The following B3GNT2 variants were observed in gnomAD, a reference collection of about 807,000 sequenced individuals.
B3GNT2 encodes the protein N-acetyllactosaminide beta-1,3-N-acetylglucosaminyltransferase 2.
In B3GNT2, 12 loss-of-function variants were observed where a neutral mutation model predicts 27.6. That is an observed-to-expected ratio of 0.44 (90% CI 0.28 to 0.71). The LOEUF (loss-of-function observed/expected upper bound fraction) is 0.71, where lower values mean the gene tolerates loss of function less well. B3GNT2 is among the 30% of genes least tolerant of loss of function. The pLI is 0.17. For synonymous variants in B3GNT2, 192 were observed against 189.7 expected (o/e 1.01, Z -0.10); for missense variants, 413 against 488.5 (o/e 0.85, Z 1.46).
Position 62,223,367 on chromosome 2 carries a change from A to G in B3GNT2, c.1147A>G (p.Met383Val). 1 of 1,613,480 alleles carries G rather than the reference A, an allele frequency of 6.2e-7. No homozygotes were observed. The highest frequency in any genetic ancestry group is 1.1e-5 in the South Asian group (1 of 90,988). The change falls in exon 2 of 2, where the codon ATG (methionine) becomes GTG (valine). Residue 383 changes from methionine (M) to valine (V), a missense_variant. By Grantham distance (21) the Met-to-Val change is conservative. Coordinates refer to ENST00000301998, the MANE Select transcript of B3GNT2 (RefSeq NM_006577.6). ...AGTACATAGTAGAAAACCTCAAGAG[A>G]TGATTGATATTTGGTCTCAGTTGCA... is the stretch of plus-strand genomic sequence containing the variant. Reference protein sequence around the residue: ...MLVHSRKPQEMIDIWSQLQSA... With the variant: ...MLVHSRKPQEVIDIWSQLQSA...
At position 62,210,527 on chromosome 2, in the gene B3GNT2, G is replaced by T. The variant is rs796674833; in HGVS notation, c.-9-11685G>T. On this transcript the variant is annotated intron_variant, in intron 1 of 1. Transcript: ENST00000301998. ...CTCAGACCTGTAATCCCAGCACTTT[G>T]GGAGGCTGAAGTGGGCAGATCACTT... Among the ~76,000 whole-genome samples, 112 of 152,242 alleles carry T rather than the reference G, an allele frequency of 7.4e-4. 1 individual carries two copies. Among genetic ancestry groups the T allele is most frequent in the African/African-American group, 2.4e-3 (99 of 41,524 alleles).
At chr2:62,203,706 C>G (rs748950655) in intron 1 of B3GNT2, among the ~76,000 whole-genome samples, 1 of 152,070 alleles carries the variant, frequency 6.6e-6, no homozygotes, top group Non-Finnish European at 1.5e-5. Flanking sequence ...ATGGGGGAAA[C>G]AGTGGAGATT....
intron 1 of B3GNT2, among the ~76,000 whole-genome samples, chr2:62,199,660 G>C (rs1281135047): frequency 6.6e-6 from 1 of 152,214 alleles, no homozygotes; most frequent in East Asian, 1.9e-4. Flanking sequence ...GTGTACAGAA[G>C]GTTAAAACAT....
chr2:62,212,479 C>T (rs889771374), intron 1 of B3GNT2, among the ~76,000 whole-genome samples: 10 of 151,876 alleles, frequency 6.6e-5, no homozygotes, highest in South Asian at 4.2e-4. Flanking sequence ...TATACATTGA[C>T]GTGGTAAGCT....
At chr2:62,217,187 C>A (rs1674592124) in intron 1 of B3GNT2, among the ~76,000 whole-genome samples, 1 of 152,214 alleles carries the variant, frequency 6.6e-6, no homozygotes, top group Admixed American at 6.5e-5. Flanking sequence ...AGAAGATTAA[C>A]CATGGAAAAT....
At chr2:62,203,450 G>C (rs1674308903) in intron 1 of B3GNT2, among the ~76,000 whole-genome samples, 2 of 152,158 alleles carry the variant, frequency 1.3e-5, no homozygotes, top group Admixed American at 1.3e-4. Flanking sequence ...GAACTGTGGA[G>C]CAAGTCCATT....
chr2:62,203,788 G>C (rs1485878310), intron 1 of B3GNT2, among the ~76,000 whole-genome samples: 1 of 152,120 alleles, frequency 6.6e-6, no homozygotes, highest in Non-Finnish European at 1.5e-5. Flanking sequence ...TTGGGGGTCA[G>C]GGACTGGCTG....
At chr2:62,198,232 C>T (rs755024434) in intron 1 of B3GNT2, among the ~76,000 whole-genome samples, 19 of 152,212 alleles carry the variant, frequency 1.2e-4, no homozygotes, top group Non-Finnish European at 2.8e-4. Context: ...ATTCATTAGA[C>T]TTGATTCTGC....
chr2:62,220,572 G>A (rs1234099098), intron 1 of B3GNT2, among the ~76,000 whole-genome samples: 3 of 152,130 alleles, frequency 2.0e-5, no homozygotes, highest in Admixed American at 1.3e-4. Flanking sequence ...TAGTTGCAAA[G>A]CTTTCTTTTA....
At chr2:62,199,620 A>G (rs554875854) in intron 1 of B3GNT2, among the ~76,000 whole-genome samples, 1 of 152,352 alleles carries the variant, frequency 6.6e-6, no homozygotes, top group African/African-American at 2.4e-5. Flanking sequence ...AGGGGAAACT[A>G]AAGTCATTTG....
Position 62,216,356 on chromosome 2 carries a change from G to A in B3GNT2, c.-9-5856G>A, listed in dbSNP as rs150136010. On this transcript the variant is annotated intron_variant, in intron 1 of 1. Transcript: ENST00000301998. ...GCTGAAGGTCATCTCATGTGGATGGGTGGGAGGGAGGCCTGGGGGAGGAGG... is the reference window on the plus strand; with the variant it reads ...GCTGAAGGTCATCTCATGTGGATGGATGGGAGGGAGGCCTGGGGGAGGAGG... 6.6e-3 allele frequency among the ~76,000 whole-genome samples: 999 copies of A among 152,130 alleles called. 8 individuals are homozygous for A. Among genetic ancestry groups the A allele is most frequent in the Middle Eastern group, 0.051 (15 of 294 alleles).
chr2:62,204,472 A>C (rs757079319), intron 1 of B3GNT2, among the ~76,000 whole-genome samples: 38 of 152,260 alleles, frequency 2.5e-4, no homozygotes, highest in Non-Finnish European at 5.1e-4. Context: ...GGGAAGCCGA[A>C]TGATATTTTC....
intron 1 of B3GNT2, among the ~76,000 whole-genome samples, chr2:62,201,631 T>C (rs1027579310): frequency 6.6e-6 from 1 of 152,240 alleles, no homozygotes; most frequent in Non-Finnish European, 1.5e-5. Context: ...ATTCTGCAAA[T>C]GTAACTTGGG....
intron 1 of B3GNT2, among the ~76,000 whole-genome samples, chr2:62,205,478 A>G (rs1408253065): frequency 6.6e-6 from 1 of 152,218 alleles, no homozygotes; most frequent in Non-Finnish European, 1.5e-5. Flanking sequence ...AAAAAGCAAC[A>G]ACTTGAAAAC....
intron 1 of B3GNT2, among the ~76,000 whole-genome samples, chr2:62,196,939 A>C (rs928701138): frequency 1.4e-5 from 2 of 142,758 alleles, no homozygotes; most frequent in Non-Finnish European, 1.5e-5. Flanking sequence ...GCCGCTCCCC[A>C]CCCCCCACCC....
intron 1 of B3GNT2, among the ~76,000 whole-genome samples, chr2:62,217,510 T>C (rs1674599619): frequency 6.6e-6 from 1 of 152,230 alleles, no homozygotes; most frequent in African/African-American, 2.4e-5. Flanking sequence ...GTAGGAGCCC[T>C]TAGGACGTGG....
chr2:62,200,230 A>G (rs918110059), intron 1 of B3GNT2, among the ~76,000 whole-genome samples: 2 of 152,062 alleles, frequency 1.3e-5, no homozygotes, highest in African/African-American at 2.4e-5. Context: ...AGCTTTAGGT[A>G]TTTTCATATA....
rs747635960 is a variant in B3GNT2, at chr2:62,222,321, A to G, written c.101A>G (p.Glu34Gly). The change falls in exon 2 of 2, where the codon GAA becomes GGA. Residue 34 changes from glutamate (E) to glycine (G), a missense_variant. Transcript: ENST00000301998. This position sits in a 1 kb window ranked among gnomAD's most constrained non-coding sequence, Gnocchi z 4.2. ...IMEVSKSSSQ[E>G]KNGKGEVIIP... The stretch of plus-strand genomic sequence containing the variant: ...GAAGTCTCCAAAAGCAGTAGCCAAG[A>G]AAAAAATGGAAAAGGGGAAGTAATA... 6.2e-7 allele frequency: 1 copy of G among 1,614,106 alleles called. No homozygotes were observed. The highest frequency in any genetic ancestry group is 1.1e-5 in the South Asian group (1 of 91,068).
At chr2:62,200,062 T>C (rs1444636186) in intron 1 of B3GNT2, among the ~76,000 whole-genome samples, 2 of 152,194 alleles carry the variant, frequency 1.3e-5, no homozygotes, top group African/African-American at 4.8e-5. Context: ...TTTCTATTTG[T>C]TACAAATTTT....
Sources: gnomAD v4.1 joint callset for allele counts (sites outside exome capture counted in the v4.1 genomes callset) on GRCh38, gnomAD v4.1.1 for gene constraint, Gnocchi (gnomAD v3.1) non-coding constraint, MANE v1.5 for transcripts, NCBI Gene and HGNC (gene_info 2026-07-23, HGNC 2026-07-21) for gene names.